The following WDR33 variants were observed in gnomAD, a reference collection of about 807,000 sequenced individuals.
WDR33 encodes the protein WD repeat domain 33.
WDR33 carries 47 observed loss-of-function variants against 164.9 expected under a neutral mutation model. The ratio of observed to expected loss-of-function variants is 0.29; its 90% CI spans 0.23 to 0.36. The LOEUF (loss-of-function observed/expected upper bound fraction) is 0.36. WDR33 is among the 10% of genes least tolerant of loss of function. The pLI is 1.00. For missense variants in WDR33, 1,137 were observed against 1,754.1 expected, an observed-to-expected ratio of 0.65 and a Z score of 6.28; for synonymous variants, 505 against 589.0, an observed-to-expected ratio of 0.86 and a Z score of 2.06.
At chr2:127,758,849 AT>A (rs1394293166) in intron 7 of WDR33, among the ~76,000 whole-genome samples, 3 of 152,154 alleles carry the variant, frequency 2.0e-5, no homozygotes, top group African/African-American at 7.2e-5. Flanking sequence ...TCACCTTCCT[AT>A]TAAACATGAG....
At position 127,763,164 on chromosome 2, in the gene WDR33, T is replaced by G. The variant is rs932265827; in HGVS notation, c.627-5A>C. 2 of 1,613,992 alleles carry G rather than the reference T, an allele frequency of 1.2e-6. No individual in the cohort carries two copies. Among genetic ancestry groups the G allele is most frequent in the Non-Finnish European group, 1.7e-6 (2 of 1,179,878 alleles). On this transcript the variant is annotated splice_polypyrimidine_tract_variant and splice_region_variant and intron_variant, in intron 6 of 21. Transcript: ENST00000322313. This position sits in a 1 kb window ranked among gnomAD's most constrained non-coding sequence, Gnocchi z 4.5. ...TTATTATCCGTGGGTGAGAAACTGT[T>G]ACATGAAGACACACAGCAGGGGAAA...
At chr2:127,747,596 CA>C (rs1687202583) in intron 7 of WDR33, among the ~76,000 whole-genome samples, 3 of 152,104 alleles carry the variant, frequency 2.0e-5, no homozygotes, top group African/African-American at 7.2e-5. Context: ...TTCTATACGC[CA>C]GTGGCAAAAC....
At chr2:127,806,357 G>A (rs2104691091) in intron 1 of WDR33, among the ~76,000 whole-genome samples, 1 of 151,786 alleles carries the variant, frequency 6.6e-6, no homozygotes, top group African/African-American at 2.4e-5. Context: ...ACAGGCATGC[G>A]CAACCACACC....
rs1362773772 is a variant in WDR33 at position 127,722,346 on chromosome 2, CTCTT to C, written c.1518+241_1518+244del. Reference sequence around the variant, plus strand: ...CTCCCATACTCCCTCTGCTCCATGCCTCTTTCTTCTATTTCCTCTCATAGCATGG... The same window carrying C: ...CTCCCATACTCCCTCTGCTCCATGCCTCTTCTATTTCCTCTCATAGCATGG... On this transcript the variant is annotated intron_variant, in intron 14 of 21. Coordinates refer to ENST00000322313, the MANE Select transcript of WDR33 (RefSeq NM_018383.5). This position sits in a 1 kb window ranked among gnomAD's most constrained non-coding sequence, Gnocchi z 5.1. Among the ~76,000 whole-genome samples, 1 of 152,188 alleles carries C rather than the reference CTCTT, an allele frequency of 6.6e-6. No homozygotes were observed. Among genetic ancestry groups the C allele is most frequent in the Non-Finnish European group, 1.5e-5 (1 of 68,042 alleles).
chr2:127,756,262 A>G (rs1035404880), intron 7 of WDR33, among the ~76,000 whole-genome samples: 8 of 149,750 alleles, frequency 5.3e-5, no homozygotes, highest in African/African-American at 2.0e-4. Context: ...TGAACCCGGG[A>G]GGCAGAGGTT....
At chr2:127,742,150 T>C (rs972368560) in intron 7 of WDR33, among the ~76,000 whole-genome samples, 4 of 151,298 alleles carry the variant, frequency 2.6e-5, no homozygotes, top group East Asian at 2.0e-4. Flanking sequence ...GAGGCAGAGG[T>C]TGCAGTGAGC....
At position 127,717,239 on chromosome 2, in the gene WDR33, G is replaced by T; in HGVS notation, c.2785C>A (p.Pro929Thr). 2 of 1,603,118 alleles carry T rather than the reference G, an allele frequency of 1.2e-6. No individual in the cohort carries two copies. Among genetic ancestry groups the T allele is most frequent in the Non-Finnish European group, 1.7e-6 (2 of 1,175,260 alleles). Residue 929 changes from proline to threonine, a missense_variant, in exon 17 of 22, where the codon CCC becomes ACC. Pro to Thr is a conservative substitution (Grantham distance 38, BLOSUM62 -1). Transcript: ENST00000322313. The surrounding 1 kb of genome is among the most constrained non-coding windows in gnomAD (Gnocchi z 5.6). ...TGCTGCCCTAGGCCTGGTATCAGGG[G>T]TGGGGGGCCTGTGCTCTGTCCTTCC... ...NQEGQSTGPP[P>T]LIPGLGQQGA... is the part of the protein sequence containing the mutation.
intron 1 of WDR33, among the ~76,000 whole-genome samples, chr2:127,783,497 C>T (rs1009918344): frequency 6.6e-6 from 1 of 151,260 alleles, no homozygotes; most frequent in African/African-American, 2.4e-5. Flanking sequence ...TTTTAAAGTG[C>T]AACAAAATTT....
intron 7 of WDR33, among the ~76,000 whole-genome samples, chr2:127,753,012 T>TGA (rs1687417118): frequency 6.6e-6 from 1 of 152,222 alleles, no homozygotes; most frequent in African/African-American, 2.4e-5. Context: ...CAACCTCCTC[T>TGA]GCCTCCTGGG....
chr2:127,709,147 T>TA lies in WDR33; in HGVS notation c.3566-256dup, dbSNP rs2105370498. ...ACAGTCTCAAATTACTGAGGACTCCTAAGAGATTTTGTTAATGAGAGTTGT... is the reference window on the plus strand; with the variant it reads ...ACAGTCTCAAATTACTGAGGACTCCTAAAGAGATTTTGTTAATGAGAGTTGT... On this transcript the variant is annotated intron_variant, in intron 20 of 21. Coordinates refer to ENST00000322313, the MANE Select transcript of WDR33 (RefSeq NM_018383.5). The surrounding 1 kb of genome is among the most constrained non-coding windows in gnomAD (Gnocchi z 5.0). 6.6e-6 allele frequency among the ~76,000 whole-genome samples: 1 copy of TA among 152,326 alleles called. No individual in the cohort carries two copies. Among genetic ancestry groups the TA allele is most frequent in the Non-Finnish European group, 1.5e-5 (1 of 68,024 alleles).
At chr2:127,762,927 T>G in intron 7 of WDR33, 135 bp downstream of exon 7, 1 of 1,443,156 alleles carries the variant, frequency 6.9e-7, no homozygotes, top group African/African-American at 1.4e-5. Flanking sequence ...TGGGTTTTTT[T>G]GAAGAGCCTG....
At chr2:127,796,249 A>G (rs1028892094) in intron 1 of WDR33, among the ~76,000 whole-genome samples, 1 of 151,350 alleles carries the variant, frequency 6.6e-6, no homozygotes, top group Non-Finnish European at 1.5e-5. Context: ...ATTTTTGTAT[A>G]TTTTTTTAGA....
intron 1 of WDR33, among the ~76,000 whole-genome samples, chr2:127,785,048 A>T (rs1688512176): frequency 6.6e-6 from 1 of 152,216 alleles, no homozygotes; most frequent in Non-Finnish European, 1.5e-5. Context: ...GGCAACAAAT[A>T]CTGTTTTCCT....
intron 7 of WDR33, chr2:127,736,577 G>A (rs1686849975): frequency 1.0e-6 from 1 of 985,394 alleles, no homozygotes; most frequent in African/African-American, 1.7e-5. Flanking sequence ...AGGTAAAATG[G>A]TTTCTATTGA....
Position 127,723,095 on chromosome 2 carries a change from C to A in WDR33, c.1292-51G>T, listed in dbSNP as rs746068483. 6.6e-7 allele frequency: 1 copy of A among 1,509,068 alleles called. No homozygotes were observed. Among genetic ancestry groups the A allele is most frequent in the East Asian group, 2.3e-5 (1 of 44,034 alleles). The allele number at this position is 1,509,068 out of a possible 1,614,324, so 93.5% of individuals were successfully genotyped here. ...AATAGAGAATTTACAAAAGTAGCGA[C>A]TGATAAAATTAATGCTTTATAAAAA... On this transcript the variant is annotated intron_variant, in intron 12 of 21. Transcript: ENST00000322313. This position sits in a 1 kb window ranked among gnomAD's most constrained non-coding sequence, Gnocchi z 5.9.
At chr2:127,737,147 T>C in intron 7 of WDR33, 1 of 985,468 alleles carries the variant, frequency 1.0e-6, no homozygotes, top group Non-Finnish European at 1.2e-6. Context: ...AAGGCTACTT[T>C]GCAGAGTATT....
chr2:127,768,086 G>T, intron 4 of WDR33, 103 bp downstream of exon 4: 1 of 682,638 alleles, frequency 1.5e-6, no homozygotes, highest in Non-Finnish European at 2.2e-6. Flanking sequence ...TATAAGCCCA[G>T]ATATACTTTT....
rs1686093889 is a variant in WDR33, at chr2:127,709,315, G to C, written c.3565+175C>G. On this transcript the variant is annotated intron_variant, in intron 20 of 21. Coordinates refer to ENST00000322313, the MANE Select transcript of WDR33 (RefSeq NM_018383.5). The surrounding 1 kb of genome is among the most constrained non-coding windows in gnomAD (Gnocchi z 5.0). The stretch of plus-strand genomic sequence containing the variant: ...CCTGTAATGTCTGGCGGATTCCTCT[G>C]CTCTGCATTCCACCTGCTGAGATCA... Among the ~76,000 whole-genome samples the C allele has an allele frequency of 6.6e-6, 1 of 152,300 alleles. No homozygotes were observed. Among genetic ancestry groups the C allele is most frequent in the Middle Eastern group, 3.4e-3 (1 of 294 alleles).
chr2:127,764,651 GAAAGGTGCCAGCAA>G lies in WDR33; in HGVS notation c.626+163_626+176del. The G allele has an allele frequency of 6.4e-7, 1 of 1,562,792 alleles. No individual in the cohort carries two copies. Among genetic ancestry groups the G allele is most frequent in the Non-Finnish European group, 8.7e-7 (1 of 1,152,648 alleles). On this transcript the variant is annotated intron_variant, in intron 6 of 21. Coordinates refer to ENST00000322313, the MANE Select transcript of WDR33 (RefSeq NM_018383.5). This position sits in a 1 kb window ranked among gnomAD's most constrained non-coding sequence, Gnocchi z 6.2. ...CTGATACCGGGACAACACTACTTCAGAAAGGTGCCAGCAAAATGGTGAATGTGTGAAAACAAAGA... is the reference window on the plus strand; with the variant it reads ...CTGATACCGGGACAACACTACTTCAGAATGGTGAATGTGTGAAAACAAAGA...
Sources: allele counts gnomAD v4.1 joint callset (sites outside exome capture counted in the v4.1 genomes callset), GRCh38; gene constraint gnomAD v4.1.1; non-coding constraint Gnocchi (gnomAD v3.1); transcripts MANE v1.5; gene names NCBI Gene and HGNC (gene_info 2026-07-23, HGNC 2026-07-21).